GLIS3: variants seen among roughly 807,000 people sequenced by gnomAD.
GLIS3 encodes the protein GLIS family zinc finger 3.
Under a neutral mutation model 78.6 loss-of-function variants are expected in GLIS3, and 53 were observed. That is an observed-to-expected ratio of 0.67 (90% confidence interval 0.54 to 0.85). The LOEUF (loss-of-function observed/expected upper bound fraction) is 0.85. Ranked by LOEUF, GLIS3 falls within the 40% of genes least tolerant of loss-of-function variation. The pLI is 0.00. For missense variants in GLIS3, 1,703 were observed against 1,231.1 expected (o/e 1.38, Z -5.74); for synonymous variants, 684 against 509.9 (o/e 1.34, Z -4.60).
chr9:3,942,708 G>T (rs555020119), intron 4 of GLIS3, among the ~76,000 whole-genome samples: 2 of 152,292 alleles, frequency 1.3e-5, no homozygotes, highest in East Asian at 3.9e-4. Flanking sequence ...CACAGACTCT[G>T]CCTCAGCAGG....
At chr9:4,158,625 TTATAA>T (rs1292813149) in intron 2 of GLIS3, among the ~76,000 whole-genome samples, 19 of 152,234 alleles carry the variant, frequency 1.2e-4, no homozygotes, top group Non-Finnish European at 2.6e-4. Flanking sequence ...ACTAAATGTA[TTATAA>T]TATATGATAG....
intron 2 of GLIS3, among the ~76,000 whole-genome samples, chr9:4,254,961 T>C (rs1418983735): frequency 6.6e-6 from 1 of 152,202 alleles, no homozygotes; most frequent in Non-Finnish European, 1.5e-5. Context: ...TAAAGGACTG[T>C]TTATTTGTAG....
chr9:4,033,557 C>T (rs620144), intron 4 of GLIS3, among the ~76,000 whole-genome samples: 35,441 of 152,018 alleles, frequency 0.23, 5,643 homozygotes, highest in African/African-American at 0.45. Flanking sequence ...TTCAAAGCTA[C>T]GCTCCTTAAA....
chr9:4,385,081 A>G, the GLIS3 span, among the ~76,000 whole-genome samples: 1 of 152,200 alleles, frequency 6.6e-6, no homozygotes, highest in African/African-American at 2.4e-5. Context: ...GTGTGTTTTG[A>G]ATTTCTTAAA....
chr9:4,273,272 T>C (rs917877852), intron 2 of GLIS3, among the ~76,000 whole-genome samples: 1 of 152,114 alleles, frequency 6.6e-6, no homozygotes, highest in African/African-American at 2.4e-5. Flanking sequence ...ATGACAACAC[T>C]TTACCTGCCC....
chr9:4,484,277 G>A, the GLIS3 span, among the ~76,000 whole-genome samples: 18 of 142,162 alleles, frequency 1.3e-4, no homozygotes, highest in East Asian at 2.0e-4. Context: ...TCGCTCTGTC[G>A]CCCAGGCTAG....
At chr9:4,278,610 G>A (rs568805955) in intron 2 of GLIS3, among the ~76,000 whole-genome samples, 31 of 152,234 alleles carry the variant, frequency 2.0e-4, no homozygotes, top group African/African-American at 6.7e-4. Flanking sequence ...CTCTCTAGAA[G>A]AATACCAGCT....
At chr9:3,961,226 T>C (rs534127081) in intron 4 of GLIS3, among the ~76,000 whole-genome samples, 7 of 152,328 alleles carry the variant, frequency 4.6e-5, no homozygotes, top group African/African-American at 1.7e-4. Flanking sequence ...TGCCTTAGAA[T>C]GGTCTTCTGA....
chr9:4,154,962 A>G (rs1364485816), intron 2 of GLIS3, among the ~76,000 whole-genome samples: 1 of 152,230 alleles, frequency 6.6e-6, no homozygotes, highest in East Asian at 1.9e-4. Context: ...TATATTTTCA[A>G]AGAATACTGA....
chr9:4,307,145 T>C lies in GLIS3; in HGVS notation n.584+1632A>G, dbSNP rs73641417. Among the ~76,000 whole-genome samples the C allele has an allele frequency of 7.8e-3, 1,185 of 152,324 alleles. 21 individuals are homozygous for C. The highest frequency in any genetic ancestry group is 0.027 in the African/African-American group (1,132 of 41,554). ...AAAGTACGTAAGATTCTTGATCTCA[T>C]TTAATTCTCACAGTGTAGAGGCTAA... On this transcript the variant is annotated intron_variant and non_coding_transcript_variant, in intron 4 of 4. Coordinates refer to the GLIS3 transcript ENST00000471664.
the GLIS3 span, among the ~76,000 whole-genome samples, chr9:4,399,313 T>C: frequency 4.7e-4 from 72 of 152,366 alleles, no homozygotes; most frequent in African/African-American, 1.6e-3. Context: ...TGATTTATTT[T>C]TTAAAAAAAC....
intron 4 of GLIS3, among the ~76,000 whole-genome samples, chr9:4,087,915 G>A (rs548532591): frequency 6.6e-6 from 1 of 152,082 alleles, no homozygotes; most frequent in Non-Finnish European, 1.5e-5. Context: ...CACTTCTATT[G>A]TCCATCTCGC....
chr9:3,934,544 G>C (rs996158963), intron 5 of GLIS3, among the ~76,000 whole-genome samples: 1 of 152,078 alleles, frequency 6.6e-6, no homozygotes, highest in African/African-American at 2.4e-5. Flanking sequence ...CGGGTAGCTG[G>C]AATTACAGGC....
At chr9:4,397,835 A>G in the GLIS3 span, among the ~76,000 whole-genome samples, 1 of 151,868 alleles carries the variant, frequency 6.6e-6, no homozygotes, top group African/African-American at 2.4e-5. Flanking sequence ...CCGCTGAGCA[A>G]TCCAAAGTAT....
At chr9:3,997,051 TA>T (rs1223715862) in intron 4 of GLIS3, among the ~76,000 whole-genome samples, 1 of 152,138 alleles carries the variant, frequency 6.6e-6, no homozygotes, top group Non-Finnish European at 1.5e-5. Context: ...CTAGACACCT[TA>T]AAAATTGAGT....
chr9:4,016,302 C>G (rs1822434153), intron 4 of GLIS3, among the ~76,000 whole-genome samples: 1 of 152,174 alleles, frequency 6.6e-6, no homozygotes, highest in Non-Finnish European at 1.5e-5. Context: ...GTCAGGAAGA[C>G]TCCAAAACTA....
the GLIS3 span, among the ~76,000 whole-genome samples, chr9:4,471,443 A>T: frequency 6.6e-6 from 1 of 152,224 alleles, no homozygotes; most frequent in Non-Finnish European, 1.5e-5. Flanking sequence ...GCCCTCAGAA[A>T]TAATACCACA....
chr9:3,867,020 C>A (rs927885320), intron 8 of GLIS3, among the ~76,000 whole-genome samples: 4 of 152,154 alleles, frequency 2.6e-5, no homozygotes, highest in African/African-American at 9.7e-5. Context: ...ATAGAGCCAA[C>A]AGGACCTACA....
At chr9:4,298,403 G>T (rs901388053) in intron 1 of GLIS3, 20 of 456,266 alleles carry the variant, frequency 4.4e-5, no homozygotes, top group African/African-American at 4.0e-4. Flanking sequence ...TCATCCATAG[G>T]ATGACAAATC....
Sources: gnomAD v4.1 joint callset for allele counts (sites outside exome capture counted in the v4.1 genomes callset) on GRCh38, gnomAD v4.1.1 for gene constraint, MANE v1.5 for transcripts, NCBI Gene and HGNC (gene_info 2026-07-23, HGNC 2026-07-21) for gene names.